Variants in SERPINB6 observed in about 807,000 individuals in gnomAD.
SERPINB6 encodes serpin family B member 6.
In SERPINB6, 16 loss-of-function variants were observed where a neutral mutation model predicts 26.1. The ratio of observed to expected loss-of-function variants is 0.61; its 90% CI spans 0.42 to 0.93. The LOEUF is 0.93. Among genes scored for constraint, SERPINB6 ranks in the 40% least tolerant of loss-of-function variants. The pLI, the probability that SERPINB6 is intolerant of heterozygous loss-of-function variation, is 0.00. For missense variants in SERPINB6, 420 were observed against 478.0 expected (o/e 0.88, Z 1.13); for synonymous variants, 174 against 176.6 (o/e 0.99, Z 0.11).
intron 1 of SERPINB6, chr6:2,970,909 A>G (rs767300939): frequency 7.3e-6 from 9 of 1,230,086 alleles, no homozygotes; most frequent in Non-Finnish European, 6.1e-6. Context: ...GGGCGACCTG[A>G]AAGTGCTGCG....
At chr6:2,949,413 G>A (rs1769523969) in intron 5 of SERPINB6, among the ~76,000 whole-genome samples, 1 of 152,194 alleles carries the variant, frequency 6.6e-6, no homozygotes, top group Non-Finnish European at 1.5e-5. Context: ...GGACATAAAA[G>A]AAACTCCCAG....
At position 2,953,055 on chromosome 6, in the gene SERPINB6, TA is replaced by T; in HGVS notation, c.561del (p.Phe187LeufsTer13). The T allele has an allele frequency of 6.2e-7, 1 of 1,614,220 alleles. No homozygotes were observed. Among genetic ancestry groups the T allele is most frequent in the African/African-American group, 1.3e-5 (1 of 75,058 alleles). ...GGCCCCTTACTCGCCTTGCTGACTTTAAACAGTCTCTCCTCGGTGTTCTCCT... is the reference window on the plus strand; with the variant it reads ...GGCCCCTTACTCGCCTTGCTGACTTTAACAGTCTCTCCTCGGTGTTCTCCT... ...FDKENTEERL[F>X]KVSKNEEKPV... is the part of the protein sequence containing the mutation. On this transcript the variant is annotated frameshift_variant, in exon 5 of 7. Coordinates refer to ENST00000380539, the MANE Select transcript of SERPINB6 (RefSeq NM_004568.6). LOFTEE classifies it high-confidence loss of function.
chr6:2,959,239 T>C lies in SERPINB6; in HGVS notation c.94A>G (p.Met32Val), dbSNP rs1770836694. Residue 32 changes from methionine to valine, a missense_variant, in exon 2 of 7, where the codon ATG becomes GTG. Met to Val is a conservative substitution (Grantham distance 21). Transcript: ENST00000380539. ...DNSKNVFFSP[M>V]SMSCALAMVY... ...ATGGCCAGGGCACAGGACATGCTCATGGGTGAGAAAAACACATTCTTCGAG... is the reference window on the plus strand; with the variant it reads ...ATGGCCAGGGCACAGGACATGCTCACGGGTGAGAAAAACACATTCTTCGAG... The C allele has an allele frequency of 6.2e-7, 1 of 1,614,088 alleles. No homozygotes were observed. The highest frequency in any genetic ancestry group is 8.5e-7 in the Non-Finnish European group (1 of 1,180,048).
rs751743079 is a variant in SERPINB6, at chr6:2,953,237, C to G, written c.431-51G>C. ...TTAGATAGGGGCGGCTGCGGATCCC[C>G]GACACATCAGGAATCGGCTGGGGCC... On this transcript the variant is annotated intron_variant, in intron 4 of 6. Transcript: ENST00000380539. The G allele has an allele frequency of 1.2e-6, 2 of 1,612,668 alleles. 1 individual carries two copies. The highest frequency in any genetic ancestry group is 2.2e-5 in the South Asian group (2 of 91,022).
At chr6:2,962,243 A>G in intron 1 of SERPINB6, 1 of 983,450 alleles carries the variant, frequency 1.0e-6, no homozygotes, top group Non-Finnish European at 1.2e-6. Flanking sequence ...AAGTCGGTGC[A>G]CATGAGTTTC....
At chr6:2,970,888 T>TGGCGC (rs1327803959) in intron 1 of SERPINB6, 1 of 1,230,854 alleles carries the variant, frequency 8.1e-7, no homozygotes. Flanking sequence ...CACGATCGTC[T>TGGCGC]CCACAGGTCT....
chr6:2,970,875 C>A, intron 1 of SERPINB6: 2 of 1,231,364 alleles, frequency 1.6e-6, no homozygotes, highest in South Asian at 8.3e-5. Flanking sequence ...CCGGGCTGGT[C>A]CACACGATCG....
intron 1 of SERPINB6, chr6:2,960,959 A>C (rs560921998): frequency 4.7e-5 from 7 of 149,926 alleles, no homozygotes; most frequent in Non-Finnish European, 7.5e-5. Context: ...GCAAAATGCC[A>C]CTCCACTGGC....
rs1417224644 is a variant in SERPINB6 at position 2,961,797 on chromosome 6, G to T, written c.-10-2455C>A. On this transcript the variant is annotated intron_variant, in intron 1 of 6. Coordinates refer to ENST00000380539, the MANE Select transcript of SERPINB6 (RefSeq NM_004568.6). The stretch of plus-strand genomic sequence containing the variant: ...AAGACAGAGGTTAAGTACCATGTCA[G>T]CTGGCCAGGGGAAGGTCCCACATGC... 4.1e-6 allele frequency: 4 copies of T among 982,672 alleles called. No homozygotes were observed. In the African/African-American group the frequency reaches 7.0e-5, roughly 17 times the overall value. The allele number at this position is 982,672 out of a possible 1,614,324, so 60.9% of individuals were successfully genotyped here. A position where few individuals can be genotyped will look rare whatever the true frequency, so the allele number is the denominator to read the frequency against.
At chr6:2,959,558 CCT>C (rs1770873483) in intron 1 of SERPINB6, 1 of 580,714 alleles carries the variant, frequency 1.7e-6, no homozygotes, top group Non-Finnish European at 3.1e-6. Context: ...GAAACGCCGC[CCT>C]GTTTTGTGAG....
intron 1 of SERPINB6, among the ~76,000 whole-genome samples, chr6:2,965,670 C>T (rs1028290930): frequency 6.6e-6 from 1 of 152,112 alleles, no homozygotes; most frequent in African/African-American, 2.4e-5. Context: ...TATTTCTATA[C>T]CTGTACTTAT....
At position 2,949,054 on chromosome 6, in the gene SERPINB6, C is replaced by T; in HGVS notation, c.589G>A (p.Val197Met). The change falls in exon 6 of 7, where the codon GTG (valine) becomes ATG (methionine). Residue 197 changes from valine to methionine, a missense_variant. By Grantham distance (21) the Val-to-Met change is conservative. Transcript: ENST00000380539. Reference sequence around the variant, plus strand: ...GTAGATTGCTTAAACATCATTTGCACAGGTTTCTCCTCATTCTACAAAGAA... The same window carrying T: ...GTAGATTGCTTAAACATCATTTGCATAGGTTTCTCCTCATTCTACAAAGAA... ...FKVSKNEEKPVQMMFKQSTFK... is the reference protein window; with the variant it reads ...FKVSKNEEKPMQMMFKQSTFK... 1.2e-6 allele frequency: 2 copies of T among 1,614,180 alleles called. No individual in the cohort carries two copies. Among genetic ancestry groups the T allele is most frequent in the Non-Finnish European group, 1.7e-6 (2 of 1,180,028 alleles).
chr6:2,958,641 C>T (rs1770764801), intron 2 of SERPINB6, among the ~76,000 whole-genome samples: 4 of 152,162 alleles, frequency 2.6e-5, no homozygotes, highest in Admixed American at 2.6e-4. Context: ...CACAAGGGAC[C>T]CACCCAGTGC....
chr6:2,953,256 T>C, intron 4 of SERPINB6, 70 bp from the exon 5 acceptor site: 1 of 1,604,322 alleles, frequency 6.2e-7, no homozygotes, highest in Non-Finnish European at 8.5e-7. Flanking sequence ...AGGAATCGGC[T>C]GGGGCCTTCT....
chr6:2,953,286 C>T lies in SERPINB6; in HGVS notation c.431-100G>A, dbSNP rs911324459. 1.6e-5 allele frequency: 24 copies of T among 1,497,262 alleles called. No individual in the cohort carries two copies. The East Asian group carries it at 4.5e-4, about 28-fold the overall frequency. The allele number at this position is 1,497,262 out of a possible 1,614,324, so 92.7% of individuals were successfully genotyped here. ...CCTTCTCCTTCAGCAGTCAAGTGCA[C>T]GGATAGAGAGTTCCACTGTCCCCCA... On this transcript the variant is annotated intron_variant, in intron 4 of 6. Transcript: ENST00000380539.
At chr6:2,966,407 G>T in intron 1 of SERPINB6, 1 of 986,852 alleles carries the variant, frequency 1.0e-6, no homozygotes, top group African/African-American at 1.7e-5. Context: ...TACTTTATAT[G>T]CAGGAGTCCC....
chr6:2,956,161 A>G (rs1376354111), intron 2 of SERPINB6: 1 of 161,960 alleles, frequency 6.2e-6, no homozygotes, highest in East Asian at 1.7e-4. Flanking sequence ...CATGAGCTGC[A>G]ACGCCCTCCA....
At chr6:2,968,978 C>T in intron 1 of SERPINB6, 1 of 1,219,842 alleles carries the variant, frequency 8.2e-7, no homozygotes, top group Non-Finnish European at 1.0e-6. Flanking sequence ...GTAATCCCCT[C>T]ACGTCCCCAC....
At chr6:2,968,740 T>G in intron 1 of SERPINB6, 3 of 1,231,684 alleles carry the variant, frequency 2.4e-6, no homozygotes, top group Non-Finnish European at 3.0e-6. Flanking sequence ...AGTACATAGT[T>G]AAGAGGAAAA....
Sources: allele counts gnomAD v4.1 joint callset (sites outside exome capture counted in the v4.1 genomes callset), GRCh38; gene constraint gnomAD v4.1.1; transcripts MANE v1.5; gene names NCBI Gene and HGNC (gene_info 2026-07-23, HGNC 2026-07-21).